Variants in CPNE9 observed in about 807,000 individuals in gnomAD.
CPNE9 encodes the protein copine family member 9, also known as copine-9.
CPNE9 carries 59 observed loss-of-function variants against 83.0 expected under a neutral mutation model. The observed-to-expected ratio is 0.71, with a 90% CI of 0.58 to 0.88. CPNE9 has a LOEUF of 0.88. Among genes scored for constraint, CPNE9 ranks in the 40% least tolerant of loss-of-function variants. The pLI is 0.00. For synonymous variants in CPNE9, 256 were observed against 273.4 expected (o/e 0.94, Z 0.63); for missense variants, 619 against 720.8 (o/e 0.86, Z 1.62).
In CPNE9 at chr3:9,705,444, C is replaced by CCCCCCG; in HGVS notation, c.261-20_261-19insCCCCCG. The CCCCCCG allele has an allele frequency of 2.0e-6, 3 of 1,514,192 alleles. No homozygotes were observed. The highest frequency in any genetic ancestry group is 2.7e-6 in the Non-Finnish European group (3 of 1,113,920). The allele number at this position is 1,514,192 out of a possible 1,614,324, so 93.8% of individuals were successfully genotyped here. A position where few individuals can be genotyped will look rare whatever the true frequency, so the allele number is the denominator to read the frequency against. ...TCCCCCACCCAGCCCCACCCCACAC[C>CCCCCCG]GGTTCCACTCTTTTCCCAGGTACAA... On this transcript the variant is annotated intron_variant, in intron 4 of 20. Transcript: ENST00000383832.
In CPNE9 at chr3:9,718,129, T is replaced by C. The variant is rs1559642400; in HGVS notation, c.1032T>C (p.Tyr344=). The change falls in exon 16 of 21, where the codon TAT becomes TAC. Residue 344 remains tyrosine, a synonymous_variant. Coordinates refer to ENST00000383832, the MANE Select transcript of CPNE9 (RefSeq NM_153635.3). The stretch of plus-strand genomic sequence containing the variant: ...CAGTGGGAGAGATCATCCAGGACTA[T>C]GACAGTGATAAGCTCTTCCCAGCTT... ...LKAVGEIIQD[Y]DSDKLFPAYG... 6.2e-7 allele frequency: 1 copy of C among 1,614,128 alleles called. No individual in the cohort carries two copies. Among genetic ancestry groups the C allele is most frequent in the Non-Finnish European group, 8.5e-7 (1 of 1,179,998 alleles).
At chr3:9,709,754 T>C (rs2076606932) in intron 7 of CPNE9, among the ~76,000 whole-genome samples, 2 of 151,480 alleles carry the variant, frequency 1.3e-5, no homozygotes, top group South Asian at 4.2e-4. Context: ...CTCCTAAAGG[T>C]GGAGGCAGGT....
chr3:9,708,183 A>G (rs191148148), intron 7 of CPNE9, among the ~76,000 whole-genome samples: 2 of 152,342 alleles, frequency 1.3e-5, no homozygotes, highest in East Asian at 1.9e-4. Context: ...AACTCCTGAC[A>G]TCAAGTAGTC....
intron 17 of CPNE9, among the ~76,000 whole-genome samples, chr3:9,722,760 T>G (rs889576309): frequency 2.6e-5 from 4 of 152,314 alleles, no homozygotes; most frequent in African/African-American, 9.6e-5. Context: ...AGGGATCCTC[T>G]GATCTCAGCC....
At chr3:9,719,320 G>A (rs994367077) in intron 17 of CPNE9, among the ~76,000 whole-genome samples, 35 of 152,038 alleles carry the variant, frequency 2.3e-4, no homozygotes, top group Admixed American at 6.6e-4. Flanking sequence ...CTTATTATGC[G>A]GCACAAAGGG....
chr3:9,713,511 G>A (rs1443339863), intron 10 of CPNE9, among the ~76,000 whole-genome samples: 3 of 152,072 alleles, frequency 2.0e-5, no homozygotes, highest in Non-Finnish European at 2.9e-5. Flanking sequence ...ACAGGTGATG[G>A]GTGATTAACG....
intron 20 of CPNE9, 105 bp downstream of exon 20, chr3:9,727,291 C>A: frequency 8.4e-7 from 1 of 1,186,386 alleles, no homozygotes; most frequent in Non-Finnish European, 1.3e-6. Context: ...TACTTTTTTC[C>A]CCCGTCACTC....
intron 17 of CPNE9, among the ~76,000 whole-genome samples, chr3:9,720,594 G>T (rs2076725831): frequency 6.6e-6 from 1 of 152,142 alleles, no homozygotes; most frequent in African/African-American, 2.4e-5. Context: ...CCTGAATACT[G>T]CCCATGGAAT....
chr3:9,725,698 G>GTATATATGTGTATATATGTA (rs2076777530), intron 17 of CPNE9, among the ~76,000 whole-genome samples: 12 of 105,620 alleles, frequency 1.1e-4, no homozygotes, highest in African/African-American at 4.2e-4. Context: ...ACATATATGT[G>GTATATATGTGTATATATGTA]TATATATGTG....
Position 9,704,647 on chromosome 3 carries a change from G to T in CPNE9, c.109+20G>T, listed in dbSNP as rs1032361546. On this transcript the variant is annotated intron_variant, in intron 2 of 20. Transcript: ENST00000383832. This position sits in a 1 kb window ranked among gnomAD's most constrained non-coding sequence, Gnocchi z 7.1. ...ACCCCAGTAGGCGGCTCCAGGACCG[G>T]GAGGGGGAACTTGGGGTCTGGGCGC... 1.2e-5 allele frequency: 19 copies of T among 1,613,830 alleles called. No homozygotes were observed. Among genetic ancestry groups the T allele is most frequent in the Non-Finnish European group, 1.2e-5 (14 of 1,179,730 alleles).
At chr3:9,718,426 TG>T in intron 16 of CPNE9, 48 bp from the exon 17 acceptor site, 1 of 1,591,248 alleles carries the variant, frequency 6.3e-7, no homozygotes, top group East Asian at 2.3e-5. Context: ...AGAGCACTCC[TG>T]CATGTACCCT....
intron 19 of CPNE9, 88 bp downstream of exon 19, chr3:9,726,810 G>A: frequency 8.3e-7 from 1 of 1,199,684 alleles, no homozygotes. Context: ...CCTCACAGAT[G>A]ACACAAGGTA....
chr3:9,716,977 C>A (rs2076689418), intron 14 of CPNE9, 81 bp from the exon 15 acceptor site: 2 of 1,424,028 alleles, frequency 1.4e-6, no homozygotes, highest in African/African-American at 1.4e-5. Flanking sequence ...CCACGTGATC[C>A]ATATGCACAT....
intron 14 of CPNE9, 22 bp downstream of exon 14, chr3:9,716,057 G>A (rs528163351): frequency 7.3e-5 from 117 of 1,599,364 alleles, no homozygotes; most frequent in Admixed American, 5.8e-4. Context: ...GCCAAGCTCT[G>A]GGCTGAAAGC....
At chr3:9,721,299 T>C (rs2076731853) in intron 17 of CPNE9, among the ~76,000 whole-genome samples, 1 of 152,236 alleles carries the variant, frequency 6.6e-6, no homozygotes, top group South Asian at 2.1e-4. Context: ...TGGGGGAATC[T>C]GGGGGCATAG....
In CPNE9 at chr3:9,729,654, G is replaced by A; in HGVS notation, c.1624G>A (p.Ala542Thr). Reference protein sequence around the residue: ...RDIQPRPPPPANPSPIPAPEQ... With the variant: ...RDIQPRPPPPTNPSPIPAPEQ... ...CATCCAGCCTCGGCCCCCACCCCCTGCCAACCCCAGCCCGATCCCAGCTCC... is the reference window on the plus strand; with the variant it reads ...CATCCAGCCTCGGCCCCCACCCCCTACCAACCCCAGCCCGATCCCAGCTCC... Residue 542 changes from alanine to threonine, a missense_variant, in exon 21 of 21, where the codon GCC becomes ACC. Coordinates refer to ENST00000383832, the MANE Select transcript of CPNE9 (RefSeq NM_153635.3). 1.2e-6 allele frequency: 2 copies of A among 1,613,748 alleles called. No individual in the cohort carries two copies. The highest frequency in any genetic ancestry group is 1.7e-6 in the Non-Finnish European group (2 of 1,179,836).
intron 7 of CPNE9, 109 bp downstream of exon 7, chr3:9,706,172 G>A (rs2076562322): frequency 1.9e-6 from 2 of 1,040,970 alleles, no homozygotes; most frequent in Admixed American, 4.2e-5. Flanking sequence ...CCCTGGTCAG[G>A]AGCCTGCCCC....
intron 20 of CPNE9, among the ~76,000 whole-genome samples, chr3:9,729,184 C>G (rs982355917): frequency 6.6e-6 from 1 of 152,066 alleles, no homozygotes; most frequent in African/African-American, 2.4e-5. Context: ...TAATGGAAAG[C>G]TAAAGAGAAG....
Position 9,729,717 on chromosome 3 carries a change from C to T in CPNE9, c.*25C>T. ...AGGATTCCACATATCCAATGCCTCA[C>T]AGTCTGCAAGCCTGCTCACCCACTG... On this transcript the variant is annotated 3_prime_UTR_variant, in exon 21 of 21. Transcript: ENST00000383832. The T allele has an allele frequency of 6.3e-7, 1 of 1,595,256 alleles. No homozygotes were observed. The highest frequency in any genetic ancestry group is 8.6e-7 in the Non-Finnish European group (1 of 1,166,822).
Sources: gnomAD v4.1 joint callset for allele counts (sites outside exome capture counted in the v4.1 genomes callset) on GRCh38, gnomAD v4.1.1 for gene constraint, Gnocchi (gnomAD v3.1) non-coding constraint, MANE v1.5 for transcripts, NCBI Gene and HGNC (gene_info 2026-07-23, HGNC 2026-07-21) for gene names.